Variants in RASSF8 observed in about 807,000 individuals in gnomAD.
RASSF8 encodes ras association domain-containing protein 8.
A neutral mutation model predicts 48.5 loss-of-function variants in RASSF8; 22 were observed. The ratio of observed to expected loss-of-function variants is 0.45; its 90% CI spans 0.32 to 0.65. The LOEUF (loss-of-function observed/expected upper bound fraction) is 0.65. Ranked by LOEUF, RASSF8 falls within the 30% of genes least tolerant of loss-of-function variation. The probability of loss-of-function intolerance (pLI) is 0.03; values close to 1 mark genes in which losing one functional copy is unlikely to be tolerated. For missense variants in RASSF8, 418 were observed against 489.2 expected (o/e 0.85, Z 1.37); for synonymous variants, 127 against 171.5 (o/e 0.74, Z 2.03).
In RASSF8 at chr12:26,069,978, GTTATT is replaced by G; in HGVS notation, c.*1167_*1171del. 2.1e-6 allele frequency: 2 copies of G among 974,228 alleles called. No homozygotes were observed. Among genetic ancestry groups the G allele is most frequent in the Non-Finnish European group, 2.4e-6 (2 of 819,798 alleles). 60.3% of individuals were successfully genotyped at this position (974,228 alleles called of 1,614,324 possible). On this transcript the variant is annotated 3_prime_UTR_variant, in exon 6 of 6. Coordinates refer to ENST00000689635, the MANE Select transcript of RASSF8 (RefSeq NM_001394098.1). ...GACATTAATCTCCATTTGTACATAT[GTTATT>G]TTATTTGTAAAACCAAATATGACTC...
rs1943985838 is a variant in RASSF8, at chr12:26,070,924, G to GT, written c.*2107dup. 3.0e-6 allele frequency: 3 copies of GT among 984,288 alleles called. No homozygotes were observed. The highest frequency in any genetic ancestry group is 2.4e-6 in the Non-Finnish European group (2 of 829,026). 61.0% of individuals were successfully genotyped at this position (984,288 alleles called of 1,614,324 possible). ...ATCAGAATTAACCTAATAACTTTAA[G>GT]TAAGGACAAGCAGCATCCTAGCAAC... On this transcript the variant is annotated 3_prime_UTR_variant, in exon 6 of 6. Transcript: ENST00000689635.
Position 26,048,567 on chromosome 12 carries a change from G to A in RASSF8, c.-108-6669G>A, listed in dbSNP as rs529654118. 1.1e-4 allele frequency among the ~76,000 whole-genome samples: 16 copies of A among 152,250 alleles called. No homozygotes were observed. In the East Asian group the frequency reaches 2.9e-3, roughly 28 times the overall value. ...AATGAGGGCTACAGGGCCATTGGAAGCCCTGACCAAGACTGAATTGTACAT... is the reference window on the plus strand; with the variant it reads ...AATGAGGGCTACAGGGCCATTGGAAACCCTGACCAAGACTGAATTGTACAT... On this transcript the variant is annotated intron_variant, in intron 2 of 5. Coordinates refer to ENST00000689635, the MANE Select transcript of RASSF8 (RefSeq NM_001394098.1).
chr12:26,079,800 G>A (rs1310519238), exon 6 of RASSF8: 2 of 152,016 alleles, frequency 1.3e-5, no homozygotes, highest in Non-Finnish European at 2.9e-5. Context: ...GGGAATTTTT[G>A]TATACTGTTG....
intron 2 of RASSF8, among the ~76,000 whole-genome samples, chr12:26,042,327 G>GT (rs1053222400): frequency 4.6e-5 from 7 of 152,006 alleles, no homozygotes; most frequent in East Asian, 1.9e-4. Flanking sequence ...GTTTTGTTTT[G>GT]TTTTTTTCCA....
At chr12:25,983,811 C>T (rs1338470536) in intron 1 of RASSF8, among the ~76,000 whole-genome samples, 1 of 152,126 alleles carries the variant, frequency 6.6e-6, no homozygotes, top group South Asian at 2.1e-4. Context: ...TAGTGAACAA[C>T]CAGTACAGTG....
In RASSF8 at chr12:26,068,993, A is replaced by G; in HGVS notation, c.*175A>G. The G allele has an allele frequency of 7.4e-7, 1 of 1,342,460 alleles. No individual in the cohort carries two copies. Among genetic ancestry groups the G allele is most frequent in the South Asian group, 1.8e-5 (1 of 56,328 alleles). 83.2% of individuals were successfully genotyped at this position (1,342,460 alleles called of 1,614,324 possible). On this transcript the variant is annotated 3_prime_UTR_variant, in exon 6 of 6. Transcript: ENST00000689635. ...CCTGTGCACTGATGCTAAAGAACAA[A>G]GAAACTGTGTTTTCACACATCAACA...
rs1172912168 is a variant in RASSF8, at chr12:26,071,852, A to G, written c.*3034A>G. The G allele has an allele frequency of 3.0e-6, 3 of 984,068 alleles. No homozygotes were observed. Among genetic ancestry groups the G allele is most frequent in the Non-Finnish European group, 3.6e-6 (3 of 828,766 alleles). 61.0% of individuals were successfully genotyped at this position (984,068 alleles called of 1,614,324 possible). On this transcript the variant is annotated 3_prime_UTR_variant, in exon 6 of 6. Coordinates refer to ENST00000689635, the MANE Select transcript of RASSF8 (RefSeq NM_001394098.1). ...GAATTTATGGTGTGAAATATGAAGT[A>G]TAGCAATATATAACAAGAACATGTA...
Position 26,064,886 on chromosome 12 carries a change from T to C in RASSF8, c.492T>C (p.Asp164=), listed in dbSNP as rs769183355. 1.9e-6 allele frequency: 3 copies of C among 1,614,212 alleles called. No individual in the cohort carries two copies. In the South Asian group the frequency reaches 3.3e-5, roughly 18 times the overall value. The change falls in exon 4 of 6, where the codon GAT becomes GAC. Residue 164 remains aspartate, a synonymous_variant. Coordinates refer to ENST00000689635, the MANE Select transcript of RASSF8 (RefSeq NM_001394098.1). ...TGAATAACTGCAAAACAACAGCAGA[T>C]GAGTTGAAGAAGCTAATCCGTCTGC... is the stretch of plus-strand genomic sequence containing the variant. The part of the protein sequence containing the change: ...KVLNNCKTTA[D]ELKKLIRLQT...
At position 26,065,016 on chromosome 12, in the gene RASSF8, C is replaced by G. The variant is rs1028664607; in HGVS notation, c.622C>G (p.Arg208Gly). Reference sequence around the variant, plus strand: ...TTCCAACCTTGAAGAGGAAATTGTCCGTCTAGAGCAAAAGATCAAAAGAAA... The same window carrying G: ...TTCCAACCTTGAAGAGGAAATTGTCGGTCTAGAGCAAAAGATCAAAAGAAA... ...YNSNLEEEIV[R>G]LEQKIKRNDV... Residue 208 changes from arginine (R) to glycine (G), a missense_variant, in exon 4 of 6, where the codon CGT (arginine) becomes GGT (glycine). Physicochemically the swap from Arg to Gly is moderately radical, Grantham distance 125. Transcript: ENST00000689635. 6.2e-7 allele frequency: 1 copy of G among 1,611,934 alleles called. No individual in the cohort carries two copies. Among genetic ancestry groups the G allele is most frequent in the African/African-American group, 1.3e-5 (1 of 74,718 alleles).
intron 1 of RASSF8, among the ~76,000 whole-genome samples, chr12:25,990,331 T>G (rs1385614517): frequency 6.6e-6 from 1 of 152,224 alleles, no homozygotes; most frequent in African/African-American, 2.4e-5. Context: ...CAAACATTTA[T>G]TTGATACTAT....
At chr12:26,017,933 A>T (rs1942690748) in intron 2 of RASSF8, among the ~76,000 whole-genome samples, 1 of 152,142 alleles carries the variant, frequency 6.6e-6, no homozygotes, top group South Asian at 2.1e-4. Flanking sequence ...AGCCCACACA[A>T]CCCGAAAAGT....
chr12:26,008,950 C>G (rs1326769566), intron 2 of RASSF8, among the ~76,000 whole-genome samples: 1 of 152,152 alleles, frequency 6.6e-6, no homozygotes, highest in East Asian at 1.9e-4. Flanking sequence ...GCAGATATAT[C>G]TGTATATTCA....
intron 3 of RASSF8, among the ~76,000 whole-genome samples, chr12:26,057,252 A>G (rs938094474): frequency 6.6e-6 from 1 of 151,980 alleles, no homozygotes; most frequent in African/African-American, 2.4e-5. Context: ...TACATTGGAT[A>G]TTTCTCCTAA....
At chr12:26,051,012 T>G (rs943291786) in intron 2 of RASSF8, among the ~76,000 whole-genome samples, 7 of 152,222 alleles carry the variant, frequency 4.6e-5, no homozygotes, top group Admixed American at 2.6e-4. Flanking sequence ...AAAACATTTA[T>G]TGGGTACAGT....
chr12:26,002,424 C>T (rs997115004), intron 2 of RASSF8, among the ~76,000 whole-genome samples: 13 of 151,664 alleles, frequency 8.6e-5, no homozygotes, highest in Non-Finnish European at 1.5e-4. Flanking sequence ...AAGAGCAAAA[C>T]TCCATCTCAA....
At position 26,070,009 on chromosome 12, in the gene RASSF8, A is replaced by G; in HGVS notation, c.*1191A>G. The G allele has an allele frequency of 1.0e-6, 1 of 977,910 alleles. No individual in the cohort carries two copies. Among genetic ancestry groups the G allele is most frequent in the Non-Finnish European group, 1.2e-6 (1 of 823,052 alleles). The allele number at this position is 977,910 out of a possible 1,614,324, so 60.6% of individuals were successfully genotyped here. ...TTATTTGTAAAACCAAATATGACTC[A>G]ACACCTTTTTGATGAGTAGTGACTT... On this transcript the variant is annotated 3_prime_UTR_variant, in exon 6 of 6. Coordinates refer to ENST00000689635, the MANE Select transcript of RASSF8 (RefSeq NM_001394098.1).
chr12:25,984,221 T>G, intron 1 of RASSF8, among the ~76,000 whole-genome samples: 1 of 139,472 alleles, frequency 7.2e-6, no homozygotes, highest in Non-Finnish European at 1.5e-5. Flanking sequence ...CTGCTACACG[T>G]AGCTTTTTTT....
intron 2 of RASSF8, among the ~76,000 whole-genome samples, chr12:26,012,544 C>G (rs1217880520): frequency 6.6e-6 from 1 of 152,064 alleles, no homozygotes; most frequent in Admixed American, 6.6e-5. Flanking sequence ...CTCATGACAC[C>G]TAAACATAAC....
At chr12:26,073,210 A>G (rs1043933031), downstream of RASSF8, among the ~76,000 whole-genome samples, 1 of 152,178 alleles carries the variant, frequency 6.6e-6, no homozygotes, top group Non-Finnish European at 1.5e-5. Flanking sequence ...CACACTTTAA[A>G]CATTCACAGC....
Sources: allele counts gnomAD v4.1 joint callset (sites outside exome capture counted in the v4.1 genomes callset), GRCh38; gene constraint gnomAD v4.1.1; transcripts MANE v1.5; gene names NCBI Gene and HGNC (gene_info 2026-07-23, HGNC 2026-07-21).